PARP10: variants seen among roughly 807,000 people sequenced by gnomAD.
PARP10 encodes poly(ADP-ribose) polymerase family member 10, also known as protein mono-ADP-ribosyltransferase PARP10.
A neutral mutation model predicts 82.4 loss-of-function variants in PARP10; 56 were observed. The observed-to-expected ratio is 0.68, with a 90% CI of 0.55 to 0.85. The LOEUF is 0.85. Ranked by LOEUF, PARP10 falls within the 40% of genes least tolerant of loss-of-function variation. PARP10 has a pLI of 0.00. For synonymous variants in PARP10, 576 were observed against 601.1 expected (o/e 0.96, Z 0.61); for missense variants, 1,227 against 1,379.4 (o/e 0.89, Z 1.75).
intron 1 of PARP10, among the ~76,000 whole-genome samples, chr8:144,010,876 C>T (rs1350488390): frequency 2.0e-5 from 3 of 151,418 alleles, no homozygotes; most frequent in Non-Finnish European, 2.9e-5. Flanking sequence ...CAGACTGAGA[C>T]CTTGCCTCAA....
At chr8:143,982,840 A>C (rs1277616165) in intron 9 of PARP10, 92 bp downstream of exon 9, 3 of 1,543,336 alleles carry the variant, frequency 1.9e-6, no homozygotes, top group African/African-American at 1.4e-5. Flanking sequence ...ACCTTGATGT[A>C]GGCGAGAGGG....
chr8:143,977,181 T>G lies in PARP10; in HGVS notation c.*303A>C. On this transcript the variant is annotated 3_prime_UTR_variant, in exon 11 of 11. Coordinates refer to ENST00000313028, the MANE Select transcript of PARP10 (RefSeq NM_032789.5). ...AGTTCCCGGGTCCCTTCCGCCTGGG[T>G]TCACGTTCACGTTTATTCAAACAAC... The G allele has an allele frequency of 2.6e-6, 1 of 390,632 alleles. No individual in the cohort carries two copies. Among genetic ancestry groups the G allele is most frequent in the Non-Finnish European group, 4.6e-6 (1 of 217,984 alleles). 24.2% of individuals were successfully genotyped at this position (390,632 alleles called of 1,614,324 possible). A position where few individuals can be genotyped will look rare whatever the true frequency, so the allele number is the denominator to read the frequency against.
At chr8:143,995,949 T>C (rs1834161502), upstream of PARP10, among the ~76,000 whole-genome samples, 1 of 152,170 alleles carries the variant, frequency 6.6e-6, no homozygotes, top group African/African-American at 2.4e-5. Context: ...CTCTAGTCTG[T>C]CCTCCTTCCA....
At position 143,984,894 on chromosome 8, in the gene PARP10, A is replaced by G. The variant is rs781838079; in HGVS notation, c.1108T>C (p.Leu370=). ...CTCATGGGCCCCTCCTGTTCCTGCA[A>G]CCCCACAGGCCTCAGGCTTACCAGC... ...EGLVSLRPVG[L]QEQEGPMSLG... The change falls in exon 5 of 11, where the codon TTG becomes CTG. Residue 370 remains leucine (L), a synonymous_variant. Coordinates refer to ENST00000313028, the MANE Select transcript of PARP10 (RefSeq NM_032789.5). 1.2e-6 allele frequency: 2 copies of G among 1,613,324 alleles called. No homozygotes were observed. The highest frequency in any genetic ancestry group is 4.5e-5 in the East Asian group (2 of 44,860).
rs1833825544 is a variant in PARP10, at chr8:143,980,452, G to A, written c.2557-2371C>T. Among the ~76,000 whole-genome samples, 3 of 150,592 alleles carry A rather than the reference G, an allele frequency of 2.0e-5. No homozygotes were observed. The South Asian group carries it at 6.2e-4, about 31-fold the overall frequency. ...AGGCAGAATCACTTGAACCCAAGAG[G>A]TGGAGGTTGCAGTGAGCCGAGATCA... On this transcript the variant is annotated intron_variant, in intron 9 of 10. Transcript: ENST00000313028.
chr8:144,004,278 G>A (rs1422344474), intron 1 of PARP10, among the ~76,000 whole-genome samples: 1 of 152,174 alleles, frequency 6.6e-6, no homozygotes, highest in East Asian at 1.9e-4. Context: ...GAAGAAATCT[G>A]CATGGTGTCC....
intron 1 of PARP10, among the ~76,000 whole-genome samples, chr8:144,010,335 C>T (rs1338787386): frequency 6.6e-6 from 1 of 152,232 alleles, no homozygotes; most frequent in Non-Finnish European, 1.5e-5. Context: ...TAATGCCTGC[C>T]ACAGTTGGTG....
chr8:143,978,313 C>T (rs1310702543), intron 9 of PARP10, among the ~76,000 whole-genome samples: 1 of 152,110 alleles, frequency 6.6e-6, no homozygotes, highest in Non-Finnish European at 1.5e-5. Flanking sequence ...CCGTGGAGGT[C>T]TGCGGGCGGG....
chr8:143,988,476 T>C (rs1240571293), upstream of PARP10, among the ~76,000 whole-genome samples: 2 of 149,044 alleles, frequency 1.3e-5, no homozygotes, highest in African/African-American at 2.5e-5. Context: ...CTTATTTATT[T>C]ATTTTTTGAG....
chr8:143,979,079 TCTC>T (rs1833788644), intron 9 of PARP10, among the ~76,000 whole-genome samples: 3 of 152,020 alleles, frequency 2.0e-5, no homozygotes, highest in Non-Finnish European at 4.4e-5. Flanking sequence ...TTCACGCCAT[TCTC>T]CTGCCTCAGC....
chr8:144,007,133 C>T (rs1310383732), intron 1 of PARP10, among the ~76,000 whole-genome samples: 4 of 152,370 alleles, frequency 2.6e-5, no homozygotes, highest in Admixed American at 2.0e-4. Flanking sequence ...AAAGCCCTCC[C>T]GGTCTCTGTC....
Position 143,983,566 on chromosome 8 carries a change from C to G in PARP10, c.2023G>C (p.Glu675Gln). 8 of 1,606,490 alleles carry G rather than the reference C, an allele frequency of 5.0e-6. No homozygotes were observed. The highest frequency in any genetic ancestry group is 5.9e-6 in the Non-Finnish European group (7 of 1,176,612). The change falls in exon 8 of 11, where the codon GAG (glutamate) becomes CAG (glutamine). Residue 675 changes from glutamate to glutamine, a missense_variant. Transcript: ENST00000313028. ...EPQGQVAEQE[E>Q]AAALRQALTL... ...AGGGCTTGCCGCAGGGCAGCAGCCT[C>G]CTCCTGCTCAGCCACCTGACCTTGA...
upstream of PARP10, among the ~76,000 whole-genome samples, chr8:143,988,633 T>A (rs1834041107): frequency 1.3e-5 from 2 of 149,608 alleles, no homozygotes; most frequent in Non-Finnish European, 1.5e-5. Flanking sequence ...GCCCAGCTAA[T>A]TTTTTTTTGT....
chr8:144,011,787 G>A lies in PARP10; in HGVS notation c.-80+743C>T, dbSNP rs1179469990. On this transcript the variant is annotated intron_variant, in intron 1 of 3. Coordinates refer to the PARP10 transcript ENST00000530478. The surrounding 1 kb of genome is among the most constrained non-coding windows in gnomAD (Gnocchi z 4.5). ...CGACGGGAGATTTGGAATAGGGAAC[G>A]CTGAGTCACCAGAAATGGAAACTCC... is the stretch of plus-strand genomic sequence containing the variant. Among the ~76,000 whole-genome samples, 3 of 152,206 alleles carry A rather than the reference G, an allele frequency of 2.0e-5. No individual in the cohort carries two copies. The highest frequency in any genetic ancestry group is 1.9e-4 in the East Asian group (1 of 5,178).
intron 9 of PARP10, among the ~76,000 whole-genome samples, chr8:143,981,349 A>G (rs113774113): frequency 0.11 from 6,220 of 58,242 alleles, 342 homozygotes; most frequent in African/African-American, 0.14. Context: ...GGTGAAGGTG[A>G]TGGTGATGAT....
intron 9 of PARP10, among the ~76,000 whole-genome samples, chr8:143,979,098 G>C (rs1405105191): frequency 6.6e-6 from 1 of 151,088 alleles, no homozygotes; most frequent in Non-Finnish European, 1.5e-5. Flanking sequence ...TCAGCCTCCC[G>C]AATAGCTGGG....
At position 143,984,306 on chromosome 8, in the gene PARP10, T is replaced by G. The variant is rs377521649; in HGVS notation, c.1584A>C (p.Glu528Asp). The change falls in exon 6 of 11, where the codon GAA becomes GAC. Residue 528 changes from glutamate (E) to aspartate (D), a missense_variant. By Grantham distance (45) the Glu-to-Asp change is conservative. Transcript: ENST00000313028. ...PGSARFLLGP[E>D]GQHLLQGLEA... ...CCAGCCCCTGGAGAAGGTGCTGCCC[T>G]TCTGGGCCCAGGAGAAACCTGGCGC... 8 of 1,613,874 alleles carry G rather than the reference T, an allele frequency of 5.0e-6. No individual in the cohort carries two copies. The highest frequency in any genetic ancestry group is 6.8e-6 in the Non-Finnish European group (8 of 1,179,992).
Position 143,984,649 on chromosome 8 carries a change from C to T in PARP10, c.1353G>A (p.Glu451=), listed in dbSNP as rs1587457908. The change falls in exon 5 of 11, where the codon GAG becomes GAA. Residue 451 remains glutamate, a synonymous_variant. Coordinates refer to ENST00000313028, the MANE Select transcript of PARP10 (RefSeq NM_032789.5). ...EGLVEMVLLM[E]PGAMRFLQLY... is the part of the protein sequence containing the mutation. ...GCTGCAGGAAGCGCATCGCCCCTGG[C>T]TCCATCAATAGCACCATCTCCACCA... 1 of 1,613,988 alleles carries T rather than the reference C, an allele frequency of 6.2e-7. No homozygotes were observed.
In PARP10 at chr8:143,985,493, G is replaced by A. The variant is rs782384301; in HGVS notation, c.592C>T (p.Arg198Cys). 17 of 1,613,750 alleles carry A rather than the reference G, an allele frequency of 1.1e-5. No homozygotes were observed. The East Asian group carries it at 2.9e-4, about 27-fold the overall frequency. The change falls in exon 4 of 11, where the codon CGC (arginine) becomes TGC (cysteine). Residue 198 changes from arginine to cysteine, a missense_variant. Arg to Cys is a radical substitution (Grantham distance 180, BLOSUM62 -3). Transcript: ENST00000313028. Reference sequence around the variant, plus strand: ...TCCTCCAGGGGCCCCCCACCACTGCGGCGCTCATTCTCCAGGTACAACTCC... The same window carrying A: ...TCCTCCAGGGGCCCCCCACCACTGCAGCGCTCATTCTCCAGGTACAACTCC... ...LLELYLENER[R>C]SGGGPLEDLQ...
Sources: allele counts gnomAD v4.1 joint callset (sites outside exome capture counted in the v4.1 genomes callset), GRCh38; gene constraint gnomAD v4.1.1; non-coding constraint Gnocchi (gnomAD v3.1); transcripts MANE v1.5; gene names NCBI Gene and HGNC (gene_info 2026-07-23, HGNC 2026-07-21).